The following TRERF1 variants were observed in gnomAD, a reference collection of about 807,000 sequenced individuals.
TRERF1 encodes the protein transcriptional regulating factor 1, also known as transcriptional-regulating factor 1.
TRERF1 carries 27 observed loss-of-function variants against 122.9 expected under a neutral mutation model. That is an observed-to-expected ratio of 0.22 (90% CI 0.16 to 0.30). The LOEUF is 0.30. Among genes scored for constraint, TRERF1 ranks in the 10% least tolerant of loss-of-function variants. TRERF1 has a pLI of 1.00. For synonymous variants in TRERF1, 636 were observed against 641.7 expected (o/e 0.99, Z 0.13); for missense variants, 1,248 against 1,560.3 (o/e 0.80, Z 3.37).
At chr6:42,388,918 G>A (rs1483014317) in intron 2 of TRERF1, among the ~76,000 whole-genome samples, 1 of 151,994 alleles carries the variant, frequency 6.6e-6, no homozygotes, top group Admixed American at 6.5e-5. Context: ...CCAAGTCATG[G>A]GCCCCAGTGT....
chr6:42,291,922 C>T (rs1281505440), intron 4 of TRERF1, among the ~76,000 whole-genome samples: 1 of 152,124 alleles, frequency 6.6e-6, no homozygotes. Context: ...ATATTTTCCT[C>T]ATGGAAACAC....
intron 3 of TRERF1, among the ~76,000 whole-genome samples, chr6:42,311,620 G>T (rs1029676689): frequency 1.6e-4 from 24 of 151,922 alleles, no homozygotes; most frequent in Non-Finnish European, 3.4e-4. Context: ...AAAAAAATTA[G>T]CCGGGCGTTG....
At chr6:42,381,088 T>C (rs997102341) in intron 2 of TRERF1, among the ~76,000 whole-genome samples, 1 of 152,158 alleles carries the variant, frequency 6.6e-6, no homozygotes, top group African/African-American at 2.4e-5. Flanking sequence ...GAACATGAAC[T>C]GTTGCACCAT....
chr6:42,410,117 C>T (rs1249292998), intron 2 of TRERF1, among the ~76,000 whole-genome samples: 1 of 152,010 alleles, frequency 6.6e-6, no homozygotes, highest in Non-Finnish European at 1.5e-5. Context: ...ACTTATATTC[C>T]TGAGACGAGC....
chr6:42,268,012 G>C lies in TRERF1; in HGVS notation c.1437+142C>G. ...TCCAAGTGCTTGGCACAGACAGTGC[G>C]TGACACATGTAGGTTAATGTTTGTG... On this transcript the variant is annotated intron_variant, in intron 5 of 17. Transcript: ENST00000372922. This position sits in a 1 kb window ranked among gnomAD's most constrained non-coding sequence, Gnocchi z 4.4. 9.6e-7 allele frequency: 1 copy of C among 1,042,980 alleles called. No individual in the cohort carries two copies. The highest frequency in any genetic ancestry group is 1.3e-6 in the Non-Finnish European group (1 of 781,254). The allele number at this position is 1,042,980 out of a possible 1,614,324, so 64.6% of individuals were successfully genotyped here.
intron 5 of TRERF1, among the ~76,000 whole-genome samples, chr6:42,266,115 C>T (rs929539066): frequency 3.9e-5 from 6 of 152,062 alleles, no homozygotes; most frequent in African/African-American, 1.4e-4. Flanking sequence ...CAGACAGACT[C>T]CATTCCCATA....
rs537978822 is a variant in TRERF1, at chr6:42,318,840, C to A, written c.-370-18091G>T. On this transcript the variant is annotated intron_variant, in intron 3 of 17. Transcript: ENST00000372922. ...TTTGATTCCTGTATTGGGAGGCCAA[C>A]CATCCTCCAAAATAGATGCTCTCCC... Among the ~76,000 whole-genome samples the A allele has an allele frequency of 2.6e-5, 4 of 152,358 alleles. No individual in the cohort carries two copies. The South Asian group carries it at 8.3e-4, about 32-fold the overall frequency.
chr6:42,419,113 T>C (rs982383476), intron 2 of TRERF1, among the ~76,000 whole-genome samples: 2 of 152,098 alleles, frequency 1.3e-5, no homozygotes, highest in Non-Finnish European at 2.9e-5. Flanking sequence ...CAGAGAAAAG[T>C]AGTAGCTTTT....
intron 2 of TRERF1, among the ~76,000 whole-genome samples, chr6:42,402,410 C>G (rs1163790019): frequency 6.6e-6 from 1 of 152,062 alleles, no homozygotes. Flanking sequence ...AGAGAAACAC[C>G]GGGTGCAGGG....
chr6:42,341,825 G>A (rs1767348753), intron 3 of TRERF1, among the ~76,000 whole-genome samples: 1 of 152,298 alleles, frequency 6.6e-6, no homozygotes, highest in Non-Finnish European at 1.5e-5. Context: ...AGTTCATGTT[G>A]GATGTGATGG....
chr6:42,325,229 G>T (rs961364973), intron 3 of TRERF1, among the ~76,000 whole-genome samples: 32 of 152,080 alleles, frequency 2.1e-4, no homozygotes, highest in Non-Finnish European at 5.9e-5. Flanking sequence ...CAGTCCAAAT[G>T]GCTATTATTA....
chr6:42,256,742 T>C (rs1370931369), exon 12 of TRERF1: 1 of 1,614,060 alleles, frequency 6.2e-7, no homozygotes, highest in Non-Finnish European at 8.5e-7. Context: ...ACATCACCTT[T>C]GGCCTCAAAC....
chr6:42,329,492 C>T (rs1052168108), intron 3 of TRERF1, among the ~76,000 whole-genome samples: 1 of 152,146 alleles, frequency 6.6e-6, no homozygotes, highest in African/African-American at 2.4e-5. Flanking sequence ...CTCCAGCTGC[C>T]ACCGTGCCTA....
At chr6:42,314,046 G>C (rs116474829) in intron 3 of TRERF1, among the ~76,000 whole-genome samples, 4 of 152,014 alleles carry the variant, frequency 2.6e-5, no homozygotes, top group African/African-American at 4.8e-5. Context: ...GGCCCTAAAG[G>C]GTTTTTTTTT....
chr6:42,429,986 G>C (rs531269805), intron 2 of TRERF1, among the ~76,000 whole-genome samples: 1 of 152,146 alleles, frequency 6.6e-6, no homozygotes, highest in South Asian at 2.1e-4. Context: ...ATGCAGATGA[G>C]TATCTAGGTT....
chr6:42,296,435 C>T (rs1436193781), intron 4 of TRERF1, among the ~76,000 whole-genome samples: 1 of 152,192 alleles, frequency 6.6e-6, no homozygotes, highest in Non-Finnish European at 1.5e-5. Flanking sequence ...ATATGAACCA[C>T]CACTGACCAA....
intron 2 of TRERF1, among the ~76,000 whole-genome samples, chr6:42,430,149 G>A (rs1298610510): frequency 6.6e-6 from 1 of 151,952 alleles, no homozygotes; most frequent in African/African-American, 2.4e-5. Context: ...ACTCTGGCTT[G>A]TACTGCTTGG....
chr6:42,413,027 A>T (rs1227554507), intron 2 of TRERF1, among the ~76,000 whole-genome samples: 1 of 152,178 alleles, frequency 6.6e-6, no homozygotes, highest in East Asian at 1.9e-4. Context: ...TGCTTAGCCA[A>T]AGCAGTCAGG....
chr6:42,272,679 A>G (rs1051031646), intron 4 of TRERF1, among the ~76,000 whole-genome samples: 1 of 152,156 alleles, frequency 6.6e-6, no homozygotes, highest in African/African-American at 2.4e-5. Context: ...GCAGGGAGAG[A>G]GGGAGAAATA....
Sources: allele counts gnomAD v4.1 joint callset (sites outside exome capture counted in the v4.1 genomes callset), GRCh38; gene constraint gnomAD v4.1.1; non-coding constraint Gnocchi (gnomAD v3.1); transcripts MANE v1.5; gene names NCBI Gene and HGNC (gene_info 2026-07-23, HGNC 2026-07-21).